DNAH2: variants seen among roughly 807,000 people sequenced by gnomAD.
The protein encoded by DNAH2 is dynein axonemal heavy chain 2.
Under a neutral mutation model 523.5 loss-of-function variants are expected in DNAH2, and 323 were observed. That is an observed-to-expected ratio of 0.62 (90% CI 0.56 to 0.68). The LOEUF is 0.68. DNAH2 is among the 30% of genes least tolerant of loss of function. The pLI is 0.00. For synonymous variants in DNAH2, 2,093 were observed against 2,177.4 expected, an observed-to-expected ratio of 0.96 and a Z score of 1.08; for missense variants, 4,907 against 5,701.5, an observed-to-expected ratio of 0.86 and a Z score of 4.49.
At chr17:7,794,164 T>C in intron 48 of DNAH2, 90 bp from the exon 49 acceptor site, 1 of 884,604 alleles carries the variant, frequency 1.1e-6, no homozygotes, top group South Asian at 1.9e-5. Context: ...CGCACTGTTT[T>C]CCTCCCACTC....
intron 39 of DNAH2, among the ~76,000 whole-genome samples, chr17:7,782,430 C>T (rs9905906): frequency 0.32 from 49,197 of 152,006 alleles, 8,214 homozygotes; most frequent in Non-Finnish European, 0.36. Flanking sequence ...GCTTAGATTT[C>T]AATATTAAGT....
Position 7,786,183 on chromosome 17 carries a change from C to T in DNAH2, c.6189C>T (p.Thr2063=). 6.2e-7 allele frequency: 1 copy of T among 1,614,076 alleles called. No individual in the cohort carries two copies. The highest frequency in any genetic ancestry group is 8.5e-7 in the Non-Finnish European group (1 of 1,180,024). The change falls in exon 40 of 86, where the codon ACC becomes ACT. Residue 2063 remains threonine (T), a synonymous_variant. Coordinates refer to ENST00000572933, the MANE Select transcript of DNAH2 (RefSeq NM_020877.5). This position sits in a 1 kb window ranked among gnomAD's most constrained non-coding sequence, Gnocchi z 7.5. ...RDMGLQSTPF[T]LTKVFQLYET... ...TGGGCCTGCAAAGCACGCCGTTCAC[C>T]CTCACCAAGGTTTTCCAGTTGTATG...
intron 33 of DNAH2, 85 bp from the exon 34 acceptor site, chr17:7,777,992 C>T (rs1242222608): frequency 7.8e-7 from 1 of 1,284,830 alleles, no homozygotes; most frequent in Non-Finnish European, 1.1e-6. Context: ...TCCCTGACAA[C>T]TCTGAGCCCC....
At position 7,780,006 on chromosome 17, in the gene DNAH2, T is replaced by G; in HGVS notation, c.5723-151T>G. 3 of 1,027,042 alleles carry G rather than the reference T, an allele frequency of 2.9e-6. No homozygotes were observed. Among genetic ancestry groups the G allele is most frequent in the Non-Finnish European group, 4.3e-6 (3 of 699,888 alleles). The allele number at this position is 1,027,042 out of a possible 1,614,324, so 63.6% of individuals were successfully genotyped here. On this transcript the variant is annotated intron_variant, in intron 36 of 85. Coordinates refer to ENST00000572933, the MANE Select transcript of DNAH2 (RefSeq NM_020877.5). The surrounding 1 kb of genome is among the most constrained non-coding windows in gnomAD (Gnocchi z 4.4). ...AAAGTGGACTGGGAAGGGCTGGGGC[T>G]GAGATGAGAAAGGATGTGGTCTTGG...
intron 39 of DNAH2, 125 bp downstream of exon 39, chr17:7,781,292 T>C (rs1202220747): frequency 3.7e-6 from 4 of 1,093,486 alleles, no homozygotes; most frequent in Admixed American, 1.8e-5. Context: ...CTGGGCAACA[T>C]GGTGAAACCC....
At chr17:7,817,912 G>A (rs533256189) in intron 67 of DNAH2, 34 bp from the exon 68 acceptor site, 43 of 1,613,872 alleles carry the variant, frequency 2.7e-5, no homozygotes, top group South Asian at 2.3e-4. Flanking sequence ...CACCTCTCCC[G>A]TAGTGTTCCT....
intron 67 of DNAH2, 24 bp downstream of exon 67, chr17:7,817,880 AGC>A: frequency 6.2e-7 from 1 of 1,609,230 alleles, no homozygotes; most frequent in East Asian, 2.3e-5. Flanking sequence ...GGGTCAGGTT[AGC>A]CCCCCCCTTC....
intron 44 of DNAH2, among the ~76,000 whole-genome samples, chr17:7,789,091 G>C (rs2076825085): frequency 6.6e-6 from 1 of 152,204 alleles, no homozygotes; most frequent in African/African-American, 2.4e-5. Context: ...TTGAACCCAG[G>C]AGGCAGAGGC....
rs753977609 is a variant in DNAH2, at chr17:7,760,798, C to T, written c.2844C>T (p.Asn948=). 2.2e-5 allele frequency: 36 copies of T among 1,614,068 alleles called. No homozygotes were observed. Among genetic ancestry groups the T allele is most frequent in the Middle Eastern group, 1.6e-4 (1 of 6,084 alleles). The change falls in exon 18 of 86, where the codon AAC becomes AAT. Residue 948 remains asparagine, a synonymous_variant. Transcript: ENST00000572933. This position sits in a 1 kb window ranked among gnomAD's most constrained non-coding sequence, Gnocchi z 4.0. The stretch of plus-strand genomic sequence containing the variant: ...AAATCAGCAGCGGCATGACTAACAA[C>T]GCAAGCCTGCTGCAGAACTACCTCA... ...QTQISSGMTN[N]ASLLQNYLKT...
chr17:7,793,528 T>TTC, intron 48 of DNAH2, among the ~76,000 whole-genome samples: 2 of 140,750 alleles, frequency 1.4e-5, no homozygotes, highest in African/African-American at 5.0e-5. Flanking sequence ...CTCTTTCTCT[T>TTC]TCTTTCTTTT....
intron 28 of DNAH2, among the ~76,000 whole-genome samples, chr17:7,773,462 C>T (rs1290159496): frequency 6.6e-6 from 1 of 152,044 alleles, no homozygotes; most frequent in Non-Finnish European, 1.5e-5. Context: ...GTGTGTTATA[C>T]AGTGTCCCCC....
rs779709049 is a variant in DNAH2 at position 7,763,988 on chromosome 17, C to T, written c.3136C>T (p.Arg1046Cys). 1.1e-5 allele frequency: 17 copies of T among 1,614,056 alleles called. No homozygotes were observed. The highest frequency in any genetic ancestry group is 1.3e-5 in the African/African-American group (1 of 74,922). ...ATLLREMAAG[R>C]LLELHTYLKE... ...TCTGCTCAGGGAGATGGCTGCTGGG[C>T]GCCTCCTGGAGCTGCACACCTACCT... Residue 1046 changes from arginine (R) to cysteine (C), a missense_variant, in exon 19 of 86, where the codon CGC becomes TGC. By Grantham distance (180) the Arg-to-Cys change is radical. Transcript: ENST00000572933.
chr17:7,770,500 C>G, intron 25 of DNAH2, 57 bp from the exon 26 acceptor site: 1 of 1,613,434 alleles, frequency 6.2e-7, no homozygotes, highest in Non-Finnish European at 8.5e-7. Flanking sequence ...CTCTCAGCTC[C>G]TGTTCCCCTT....
At position 7,776,837 on chromosome 17, in the gene DNAH2, C is replaced by T. The variant is rs2076465920; in HGVS notation, c.5006C>T (p.Thr1669Ile). Residue 1669 changes from threonine (T) to isoleucine (I), a missense_variant, in exon 32 of 86, where the codon ACA (threonine) becomes ATA (isoleucine). Thr to Ile is a moderately conservative substitution (Grantham distance 89). This residue lies in a region of DNAH2 where 2,806 missense variants were observed against 3,190.8 expected (regional missense o/e 0.88). Transcript: ENST00000572933. ...GCTGATGTCACCAAGTGCCTGCTGA[C>T]AGCGAAGGAGCGGGCAGACAAGAAA... ...WTADVTKCLLTAKERADKKIL... is the reference protein window; with the variant it reads ...WTADVTKCLLIAKERADKKIL... 6.2e-7 allele frequency: 1 copy of T among 1,613,014 alleles called. No individual in the cohort carries two copies.
chr17:7,821,401 G>A lies in DNAH2; in HGVS notation c.11142+32G>A, dbSNP rs375063030. The A allele has an allele frequency of 3.1e-6, 5 of 1,600,860 alleles. No individual in the cohort carries two copies. The African/African-American group carries it at 6.7e-5, about 21-fold the overall frequency. On this transcript the variant is annotated intron_variant, in intron 73 of 85. Transcript: ENST00000572933. This position sits in a 1 kb window ranked among gnomAD's most constrained non-coding sequence, Gnocchi z 5.0. ...TGGGCAGAGAGCACATCCCAGGATG[G>A]GATGGTCAAGGTTGGGGATGAGGGC... is the stretch of plus-strand genomic sequence containing the variant.
intron 61 of DNAH2, among the ~76,000 whole-genome samples, chr17:7,805,784 G>T (rs935813191): frequency 6.6e-6 from 1 of 152,126 alleles, no homozygotes; most frequent in African/African-American, 2.4e-5. Context: ...AACCTGGAAG[G>T]CTGAGGCTGC....
chr17:7,812,612 T>C (rs549798484), intron 63 of DNAH2, among the ~76,000 whole-genome samples: 6 of 151,722 alleles, frequency 4.0e-5, no homozygotes, highest in African/African-American at 1.2e-4. Context: ...AGCAAAATCC[T>C]GCCTCAAAAA....
Position 7,798,215 on chromosome 17 carries a change from C to T in DNAH2, c.8289C>T (p.Ile2763=), listed in dbSNP as rs754490433. Reference sequence around the variant, plus strand: ...GGGGCAACATGCTCCTGGTGGGTATCGGGGGCAGCGGACGCCAGAGTCTGG... The same window carrying T: ...GGGGCAACATGCTCCTGGTGGGTATTGGGGGCAGCGGACGCCAGAGTCTGG... ...QPRGNMLLVG[I]GGSGRQSLAR... Residue 2763 remains isoleucine (I), a synonymous_variant, in exon 54 of 86, where the codon ATC becomes ATT. Transcript: ENST00000572933. This position sits in a 1 kb window ranked among gnomAD's most constrained non-coding sequence, Gnocchi z 5.5. The T allele has an allele frequency of 6.8e-6, 11 of 1,613,404 alleles. No individual in the cohort carries two copies. In the South Asian group the frequency reaches 8.8e-5, roughly 13 times the overall value.
intron 63 of DNAH2, among the ~76,000 whole-genome samples, chr17:7,812,872 G>A (rs2077557475): frequency 1.3e-5 from 2 of 151,678 alleles, no homozygotes; most frequent in Admixed American, 1.3e-4. Context: ...GAACCCGGGA[G>A]GCGGGGTTTG....
Sources: gnomAD v4.1 joint callset for allele counts (sites outside exome capture counted in the v4.1 genomes callset) on GRCh38, gnomAD v4.1.1 for gene constraint, gnomAD v4.1.1 regional missense constraint, Gnocchi (gnomAD v3.1) non-coding constraint, MANE v1.5 for transcripts, NCBI Gene and HGNC (gene_info 2026-07-23, HGNC 2026-07-21) for gene names.